Variants in SIM2 observed in about 807,000 individuals in gnomAD.
SIM2 encodes SIM bHLH transcription factor 2, also known as single-minded homolog 2.
A neutral mutation model predicts 64.8 loss-of-function variants in SIM2; 28 were observed. The ratio of observed to expected loss-of-function variants is 0.43; its 90% confidence interval spans 0.32 to 0.59. SIM2 has a LOEUF of 0.59. Among genes scored for constraint, SIM2 ranks in the 20% least tolerant of loss-of-function variants. SIM2 has a pLI of 0.07. For synonymous variants in SIM2, 408 were observed against 391.1 expected, an observed-to-expected ratio of 1.04 and a Z score of -0.51; for missense variants, 847 against 871.4, an observed-to-expected ratio of 0.97 and a Z score of 0.35.
intron 3 of SIM2, among the ~76,000 whole-genome samples, chr21:36,717,308 A>G (rs977907659): frequency 6.6e-5 from 10 of 152,146 alleles, no homozygotes; most frequent in African/African-American, 2.4e-4. Flanking sequence ...AGCAAACCAG[A>G]ATTATTCTTT....
Position 36,723,124 on chromosome 21 carries a change from A to C in SIM2, c.537A>C (p.Gly179=). 6.2e-7 allele frequency: 1 copy of C among 1,614,010 alleles called. No homozygotes were observed. The highest frequency in any genetic ancestry group is 1.7e-4 in the Middle Eastern group (1 of 6,060). ...GGAACGCGGGCCTGACCTGCAGCGG[A>C]TACAAGGTACGGGGAGTCATGGGTG... The part of the protein sequence containing the change: ...AKRNAGLTCS[G]YKVIHCSGYL... The change falls in exon 5 of 11, where the codon GGA becomes GGC. Residue 179 remains glycine (G), a synonymous_variant. Transcript: ENST00000290399.
At chr21:36,743,628 G>C in intron 9 of SIM2, 73 bp downstream of exon 9, 1 of 1,380,714 alleles carries the variant, frequency 7.2e-7, no homozygotes, top group Non-Finnish European at 1.0e-6. Context: ...GACACATTAA[G>C]GAATGGGGAG....
chr21:36,743,752 G>A (rs1315838862), intron 9 of SIM2, among the ~76,000 whole-genome samples, 197 bp downstream of exon 9: 2 of 152,122 alleles, frequency 1.3e-5, no homozygotes, highest in African/African-American at 4.8e-5. Flanking sequence ...GGCTAGTCAA[G>A]TTTAGGAAAC....
rs531919411 is a variant in SIM2 at position 36,717,533 on chromosome 21, C to T, written c.349-2288C>T. ...TGCGATGTCGGCTTACTGCAAACTGCGCCTCCCGGGTTCAGACGATTCTCC... is the reference window on the plus strand; with the variant it reads ...TGCGATGTCGGCTTACTGCAAACTGTGCCTCCCGGGTTCAGACGATTCTCC... On this transcript the variant is annotated intron_variant, in intron 3 of 10. Coordinates refer to ENST00000290399, the MANE Select transcript of SIM2 (RefSeq NM_005069.6). Among the ~76,000 whole-genome samples the T allele has an allele frequency of 2.0e-5, 3 of 149,920 alleles. No individual in the cohort carries two copies. In the East Asian group the frequency reaches 5.9e-4, roughly 29 times the overall value.
At chr21:36,709,144 G>T in intron 1 of SIM2, 24 bp from the exon 2 acceptor site, 1 of 1,597,626 alleles carries the variant, frequency 6.3e-7, no homozygotes, top group South Asian at 1.1e-5. Context: ...GCAGTTTACC[G>T]ATTTGCTTTC....
chr21:36,704,384 C>G (rs1160559766), intron 1 of SIM2, among the ~76,000 whole-genome samples: 1 of 152,240 alleles, frequency 6.6e-6, no homozygotes, highest in East Asian at 1.9e-4. Context: ...AGCAGAACAA[C>G]GTAGATTTTT....
At chr21:36,704,587 G>C (rs1204943610) in intron 1 of SIM2, among the ~76,000 whole-genome samples, 2 of 152,224 alleles carry the variant, frequency 1.3e-5, no homozygotes, top group Non-Finnish European at 2.9e-5. Context: ...TAGAGGAGGG[G>C]ACCTGGATCC....
chr21:36,699,854 G>A lies in SIM2; in HGVS notation c.108G>A (p.Gln36=). The change falls in exon 1 of 11, where the codon CAG becomes CAA. Residue 36 remains glutamine (Q), a synonymous_variant. Coordinates refer to ENST00000290399, the MANE Select transcript of SIM2 (RefSeq NM_005069.6). This position sits in a 1 kb window ranked among gnomAD's most constrained non-coding sequence, Gnocchi z 5.6. ...LLPLPSAITS[Q]LDKASIIRLT... The stretch of plus-strand genomic sequence containing the variant: ...CGCTGCCGTCGGCCATCACTTCGCA[G>A]CTGGACAAAGCGTCCATCATCCGCC... 1 of 1,610,004 alleles carries A rather than the reference G, an allele frequency of 6.2e-7. No homozygotes were observed. The highest frequency in any genetic ancestry group is 8.5e-7 in the Non-Finnish European group (1 of 1,178,298).
intron 3 of SIM2, among the ~76,000 whole-genome samples, chr21:36,715,888 C>T (rs2088740360): frequency 6.6e-6 from 1 of 151,960 alleles, no homozygotes; most frequent in African/African-American, 2.4e-5. Context: ...CTTCGTATGG[C>T]AGAGCTAAAA....
At chr21:36,702,722 A>T (rs1219835067) in intron 1 of SIM2, among the ~76,000 whole-genome samples, 1 of 152,080 alleles carries the variant, frequency 6.6e-6, no homozygotes, top group East Asian at 1.9e-4. Flanking sequence ...GGGTTGGAAT[A>T]GGATCTGTCT....
At chr21:36,707,764 C>T (rs1281254044) in intron 1 of SIM2, among the ~76,000 whole-genome samples, 2 of 151,972 alleles carry the variant, frequency 1.3e-5, no homozygotes, top group Admixed American at 1.3e-4. Context: ...GGTGACTGCA[C>T]GGCGACTCCT....
intron 7 of SIM2, 30 bp from the exon 8 acceptor site, chr21:36,741,687 C>A: frequency 6.2e-7 from 1 of 1,609,306 alleles, no homozygotes; most frequent in Non-Finnish European, 8.5e-7. Context: ...TGCGAAGCGT[C>A]TGAGGACTCC....
rs543671762 is a variant in SIM2 at position 36,723,214 on chromosome 21, C to A, written c.543+84C>A. ...AAGAGCGTCTGCAGAAAGGAAGGCACGGGAGCACAAACTCGTCATCCCCAC... is the reference window on the plus strand; with the variant it reads ...AAGAGCGTCTGCAGAAAGGAAGGCAAGGGAGCACAAACTCGTCATCCCCAC... On this transcript the variant is annotated intron_variant, in intron 5 of 10. Coordinates refer to ENST00000290399, the MANE Select transcript of SIM2 (RefSeq NM_005069.6). 7 of 1,122,478 alleles carry A rather than the reference C, an allele frequency of 6.2e-6. No individual in the cohort carries two copies. The Admixed American group carries it at 1.0e-4, about 16-fold the overall frequency. 69.5% of individuals were successfully genotyped at this position (1,122,478 alleles called of 1,614,324 possible). A position where few individuals can be genotyped will look rare whatever the true frequency, so the allele number is the denominator to read the frequency against.
chr21:36,716,261 A>T (rs1290813695), intron 3 of SIM2, among the ~76,000 whole-genome samples: 1 of 152,248 alleles, frequency 6.6e-6, no homozygotes, highest in African/African-American at 2.4e-5. Flanking sequence ...GTAAAAATGT[A>T]GCTGCTGTAT....
In SIM2 at chr21:36,726,115, C is replaced by A. The variant is rs546056980; in HGVS notation, c.544-4C>A. ...GTGGCTGACCCTGCCCTCTCCACTC[C>A]CAGGTCATCCACTGCAGTGGCTACT... is the stretch of plus-strand genomic sequence containing the variant. On this transcript the variant is annotated splice_polypyrimidine_tract_variant and splice_region_variant and intron_variant, in intron 5 of 10. Transcript: ENST00000290399. The surrounding 1 kb of genome is among the most constrained non-coding windows in gnomAD (Gnocchi z 4.5). 1 of 1,612,840 alleles carries A rather than the reference C, an allele frequency of 6.2e-7. No individual in the cohort carries two copies. Among genetic ancestry groups the A allele is most frequent in the East Asian group, 2.2e-5 (1 of 44,876 alleles).
rs934095574 is a variant in SIM2, at chr21:36,747,126, T to A, written c.1577-539T>A. ...AGATGGGAGTGGTTATTTTTCATTA[T>A]GACACGGCGAAACCGATCGGGGTGG... On this transcript the variant is annotated intron_variant, in intron 10 of 10. Coordinates refer to ENST00000290399, the MANE Select transcript of SIM2 (RefSeq NM_005069.6). This position sits in a 1 kb window ranked among gnomAD's most constrained non-coding sequence, Gnocchi z 4.5. 6.6e-6 allele frequency among the ~76,000 whole-genome samples: 1 copy of A among 152,132 alleles called. No individual in the cohort carries two copies. The highest frequency in any genetic ancestry group is 2.4e-5 in the African/African-American group (1 of 41,408).
At chr21:36,720,926 A>G (rs2088815945) in intron 4 of SIM2, among the ~76,000 whole-genome samples, 1 of 152,236 alleles carries the variant, frequency 6.6e-6, no homozygotes, top group Non-Finnish European at 1.5e-5. Context: ...CCCCAGTGGA[A>G]CAAAATGCAA....
intron 7 of SIM2, among the ~76,000 whole-genome samples, chr21:36,735,575 C>CT (rs397776593): frequency 0.016 from 1 of 62 alleles, no homozygotes; most frequent in Non-Finnish European, 0.042. Flanking sequence ...ATAGCTGCTG[C>CT]TCTCCTCTTG....
chr21:36,706,350 G>A (rs1219178087), intron 1 of SIM2, among the ~76,000 whole-genome samples: 1 of 152,110 alleles, frequency 6.6e-6, no homozygotes, highest in Non-Finnish European at 1.5e-5. Context: ...AGGGGTGCAG[G>A]GAGCTCCCCT....
Sources: allele counts gnomAD v4.1 joint callset (sites outside exome capture counted in the v4.1 genomes callset), GRCh38; gene constraint gnomAD v4.1.1; non-coding constraint Gnocchi (gnomAD v3.1); transcripts MANE v1.5; gene names NCBI Gene and HGNC (gene_info 2026-07-23, HGNC 2026-07-21).